The following SPAG16 variants were observed in gnomAD, a reference collection of about 807,000 sequenced individuals.
SPAG16 encodes sperm-associated antigen 16 protein.
In SPAG16, 86 loss-of-function variants were observed where a neutral mutation model predicts 80.4. The observed-to-expected ratio is 1.07, with a 90% CI of 0.90 to 1.28. The LOEUF (loss-of-function observed/expected upper bound fraction) is 1.28. Among genes scored for constraint, SPAG16 ranks in the 50% most tolerant of loss-of-function variants. The pLI, the probability that SPAG16 is intolerant of heterozygous loss-of-function variation, is 0.00. For synonymous variants in SPAG16, 294 were observed against 265.9 expected (o/e 1.11, Z -1.03); for missense variants, 870 against 765.3 (o/e 1.14, Z -1.61).
At chr2:213,753,055 C>T (rs1411704416) in intron 10 of SPAG16, among the ~76,000 whole-genome samples, 3 of 152,186 alleles carry the variant, frequency 2.0e-5, no homozygotes, top group African/African-American at 7.2e-5. Context: ...CTCTGTCACC[C>T]AGGCTGGAGT....
At chr2:213,907,813 TA>T (rs912797590) in intron 11 of SPAG16, among the ~76,000 whole-genome samples, 2 of 151,918 alleles carry the variant, frequency 1.3e-5, no homozygotes, top group East Asian at 1.9e-4. Flanking sequence ...ATGTGGGAGC[TA>T]AAAAAACGTT....
intron 11 of SPAG16, among the ~76,000 whole-genome samples, chr2:213,925,747 C>T (rs972908585): frequency 1.3e-5 from 2 of 152,162 alleles, no homozygotes; most frequent in African/African-American, 4.8e-5. Context: ...CTTATTTTCT[C>T]TGTGATGTTG....
chr2:213,848,496 A>G (rs2074738618), intron 10 of SPAG16, among the ~76,000 whole-genome samples: 1 of 152,080 alleles, frequency 6.6e-6, no homozygotes, highest in Non-Finnish European at 1.5e-5. Context: ...TCACAGCCTT[A>G]TATGTTCATT....
intron 15 of SPAG16, among the ~76,000 whole-genome samples, chr2:214,196,592 G>A (rs1363921242): frequency 6.6e-6 from 1 of 151,960 alleles, no homozygotes; most frequent in Non-Finnish European, 1.5e-5. Flanking sequence ...AATGCAGAAG[G>A]TGCTCAGAAA....
At chr2:213,853,851 A>G (rs1391827973) in intron 10 of SPAG16, among the ~76,000 whole-genome samples, 6 of 152,196 alleles carry the variant, frequency 3.9e-5, no homozygotes, top group Non-Finnish European at 8.8e-5. Flanking sequence ...TAGTCATTTT[A>G]TGGTTACAAG....
intron 10 of SPAG16, among the ~76,000 whole-genome samples, chr2:213,695,261 G>A (rs753286918): frequency 7.2e-5 from 11 of 152,034 alleles, no homozygotes; most frequent in Non-Finnish European, 1.5e-4. Context: ...GACCATCAGG[G>A]CAACTGTTCT....
intron 13 of SPAG16, among the ~76,000 whole-genome samples, chr2:214,102,814 G>A (rs545083568): frequency 2.6e-5 from 4 of 152,148 alleles, no homozygotes; most frequent in South Asian, 2.1e-4. Flanking sequence ...ACAGGAAGAG[G>A]AGTTTATTTT....
At chr2:213,471,700 C>G (rs1001139468) in intron 9 of SPAG16, among the ~76,000 whole-genome samples, 33 of 152,184 alleles carry the variant, frequency 2.2e-4, no homozygotes, top group Non-Finnish European at 3.7e-4. Context: ...TGCACAGCAT[C>G]CTTGATCTGT....
chr2:213,818,717 G>A (rs2072732416), intron 10 of SPAG16, among the ~76,000 whole-genome samples: 1 of 152,106 alleles, frequency 6.6e-6, no homozygotes, highest in South Asian at 2.1e-4. Context: ...CATGCTTTAA[G>A]GGAGGAACCT....
At chr2:213,585,928 C>A (rs2060456335) in intron 10 of SPAG16, among the ~76,000 whole-genome samples, 1 of 152,142 alleles carries the variant, frequency 6.6e-6, no homozygotes, top group South Asian at 2.1e-4. Flanking sequence ...ATTTATTACC[C>A]TCCTCCTTCT....
At chr2:213,890,048 G>A (rs1001708905) in intron 11 of SPAG16, among the ~76,000 whole-genome samples, 2 of 151,956 alleles carry the variant, frequency 1.3e-5, no homozygotes, top group Non-Finnish European at 2.9e-5. Context: ...TTCCCTTGTA[G>A]TTACCTTTAT....
At chr2:214,354,993 C>G (rs933521085) in intron 15 of SPAG16, among the ~76,000 whole-genome samples, 16 of 152,098 alleles carry the variant, frequency 1.1e-4, no homozygotes, top group African/African-American at 3.1e-4. Context: ...CCCTTTATTT[C>G]CTTCTCCTGC....
chr2:213,432,449 C>A (rs2070365259), intron 9 of SPAG16, among the ~76,000 whole-genome samples: 1 of 152,036 alleles, frequency 6.6e-6, no homozygotes, highest in Admixed American at 6.6e-5. Flanking sequence ...TCACCGGAGA[C>A]AACCATGAAC....
At chr2:214,400,147 TA>T (rs1267909307) in intron 15 of SPAG16, among the ~76,000 whole-genome samples, 1 of 152,038 alleles carries the variant, frequency 6.6e-6, no homozygotes, top group Admixed American at 6.6e-5. Context: ...GCTCTCCTAA[TA>T]GGGGGGAAAT....
chr2:213,733,828 T>G (rs754420237), intron 10 of SPAG16, among the ~76,000 whole-genome samples: 1 of 152,176 alleles, frequency 6.6e-6, no homozygotes, highest in Non-Finnish European at 1.5e-5. Context: ...AAGTTCATGG[T>G]TTTTAGTTTG....
chr2:214,322,087 T>A (rs1320223980), intron 15 of SPAG16, among the ~76,000 whole-genome samples: 1 of 152,230 alleles, frequency 6.6e-6, no homozygotes, highest in African/African-American at 2.4e-5. Context: ...TTCCTCCACA[T>A]GTTTCTCTGT....
intron 10 of SPAG16, among the ~76,000 whole-genome samples, chr2:213,612,164 G>A (rs1402806802): frequency 5.9e-5 from 9 of 152,096 alleles, no homozygotes; most frequent in Non-Finnish European, 1.3e-4. Context: ...ATTTCCATAT[G>A]AAATGTTATG....
At chr2:214,089,476 C>T (rs1172467384) in intron 13 of SPAG16, among the ~76,000 whole-genome samples, 3 of 151,990 alleles carry the variant, frequency 2.0e-5, no homozygotes, top group East Asian at 1.9e-4. Flanking sequence ...CCTGACTTTC[C>T]TTTAAATGAT....
intron 10 of SPAG16, among the ~76,000 whole-genome samples, chr2:213,652,318 G>GT (rs138946629): frequency 0.061 from 9,268 of 151,646 alleles, 923 homozygotes; most frequent in African/African-American, 0.21. Context: ...ATTTTTTCTT[G>GT]TTTTTTTAAT....
Sources: allele counts gnomAD v4.1 joint callset (sites outside exome capture counted in the v4.1 genomes callset), GRCh38; gene constraint gnomAD v4.1.1; transcripts MANE v1.5; gene names NCBI Gene and HGNC (gene_info 2026-07-23, HGNC 2026-07-21).